CLEC9A: variants seen among roughly 807,000 people sequenced by gnomAD.
The protein encoded by CLEC9A is C-type lectin domain family 9 member A.
In CLEC9A, 24 loss-of-function variants were observed where a neutral mutation model predicts 30.0. The observed-to-expected ratio is 0.80, with a 90% CI of 0.58 to 1.13. The LOEUF (loss-of-function observed/expected upper bound fraction) is 1.13, where lower values mean the gene tolerates loss of function less well. Ranked by LOEUF, CLEC9A falls within the 50% of genes most tolerant of loss-of-function variation. The pLI, the probability that CLEC9A is intolerant of heterozygous loss-of-function variation, is 0.00. For missense variants in CLEC9A, 251 were observed against 280.9 expected (o/e 0.89, Z 0.76); for synonymous variants, 111 against 96.8 (o/e 1.15, Z -0.86).
At position 10,051,972 on chromosome 12, in the gene CLEC9A, C is replaced by T. The variant is rs1157079402; in HGVS notation, c.-162-19C>T. On this transcript the variant is annotated intron_variant, in intron 2 of 8. Coordinates refer to ENST00000355819, the MANE Select transcript of CLEC9A (RefSeq NM_207345.4). ...TCAAGAGCAGGTGTGGATTCATCAC[C>T]TTCTCTTTTCTTTTCCAGTGGATAG... The T allele has an allele frequency of 1.3e-5, 2 of 152,164 alleles. No individual in the cohort carries two copies. Among genetic ancestry groups the T allele is most frequent in the Non-Finnish European group, 2.9e-5 (2 of 68,024 alleles). The allele number at this position is 152,164 out of a possible 1,614,324, so 9.4% of individuals were successfully genotyped here.
intron 5 of CLEC9A, chr12:10,060,623 ATCT>A (rs1865988884): frequency 6.4e-6 from 1 of 155,740 alleles, no homozygotes; most frequent in African/African-American, 2.4e-5. Context: ...GGAGCCGAGT[ATCT>A]TGATTGTATC....
At chr12:10,061,044 G>A in intron 5 of CLEC9A, 83 bp from the exon 6 acceptor site, 3 of 1,442,182 alleles carry the variant, frequency 2.1e-6, no homozygotes, top group Non-Finnish European at 1.9e-6. Context: ...ATAGTAATTT[G>A]TACTTGTCTT....
intron 2 of CLEC9A, 95 bp downstream of exon 2, chr12:10,041,715 A>G (rs914006282): frequency 2.1e-6 from 1 of 479,934 alleles, no homozygotes; most frequent in Admixed American, 2.2e-5. Flanking sequence ...TTTTCTTAAC[A>G]TCTTTCAGTT....
intron 5 of CLEC9A, among the ~76,000 whole-genome samples, chr12:10,058,454 C>G (rs1483918288): frequency 6.6e-6 from 1 of 152,210 alleles, no homozygotes; most frequent in Non-Finnish European, 1.5e-5. Context: ...CATCTGCTTT[C>G]TCTAGTCCAT....
intron 2 of CLEC9A, among the ~76,000 whole-genome samples, chr12:10,045,310 T>G (rs946321403): frequency 8.5e-5 from 13 of 152,234 alleles, no homozygotes; most frequent in Non-Finnish European, 1.8e-4. Context: ...GCTTTTCAGA[T>G]ATACATACCT....
At chr12:10,043,053 T>G (rs748998999) in intron 2 of CLEC9A, among the ~76,000 whole-genome samples, 1 of 152,196 alleles carries the variant, frequency 6.6e-6, no homozygotes, top group Admixed American at 6.5e-5. Context: ...CTAAGACAAG[T>G]GAAATTGGCA....
chr12:10,049,438 A>G (rs1009718822), intron 2 of CLEC9A, among the ~76,000 whole-genome samples: 3 of 152,358 alleles, frequency 2.0e-5, no homozygotes, highest in African/African-American at 7.2e-5. Flanking sequence ...TAAAAGTCCT[A>G]GATGTCATCT....
chr12:10,031,193 A>C (rs1425515989), intron 1 of CLEC9A, among the ~76,000 whole-genome samples: 2 of 152,238 alleles, frequency 1.3e-5, no homozygotes, highest in East Asian at 3.9e-4. Flanking sequence ...TATCATCTGC[A>C]GAGATGGATG....
chr12:10,041,963 C>T (rs959384050), intron 2 of CLEC9A, among the ~76,000 whole-genome samples: 8 of 152,142 alleles, frequency 5.3e-5, no homozygotes, highest in Non-Finnish European at 1.2e-4. Context: ...TTTGTGGGCT[C>T]AGACTCATAC....
rs1457884676 is a variant in CLEC9A at position 10,038,262 on chromosome 12, A to G, written c.-317-3204A>G. Among the ~76,000 whole-genome samples the G allele has an allele frequency of 3.9e-5, 6 of 152,344 alleles. No homozygotes were observed. In the East Asian group the frequency reaches 9.6e-4, roughly 24 times the overall value. ...GAATCATACTAAGTTTTTGTTTCCA[A>G]AATCAGGTACTGTCTTTTTTGTTTG... On this transcript the variant is annotated intron_variant, in intron 1 of 8. Coordinates refer to ENST00000355819, the MANE Select transcript of CLEC9A (RefSeq NM_207345.4).
At position 10,065,519 on chromosome 12, in the gene CLEC9A, C is replaced by T. The variant is rs137900062; in HGVS notation, c.613C>T (p.Gln205Ter). ...SPGLLPAERS[Q>*]SANQVCGYVK... Reference sequence around the variant, plus strand: ...TTCCAGGTTGCCAGCAGAGAGATCCCAGTCAGCTAACCAAGTCTGTGGATA... The same window carrying T: ...TTCCAGGTTGCCAGCAGAGAGATCCTAGTCAGCTAACCAAGTCTGTGGATA... Residue 205 changes from glutamine (Q) to a stop codon, truncating the protein, a stop_gained, in exon 9 of 9, where the codon CAG becomes TAG. Transcript: ENST00000355819. LOFTEE classifies it low-confidence loss of function (END_TRUNC). 5 of 1,613,802 alleles carry T rather than the reference C, an allele frequency of 3.1e-6. No homozygotes were observed. The East Asian group carries it at 1.1e-4, about 36-fold the overall frequency.
In CLEC9A at chr12:10,063,226, C is replaced by A; in HGVS notation, c.471+20C>A. The A allele has an allele frequency of 6.5e-7, 1 of 1,547,178 alleles. No homozygotes were observed. The highest frequency in any genetic ancestry group is 8.7e-7 in the Non-Finnish European group (1 of 1,152,928). On this transcript the variant is annotated intron_variant, in intron 7 of 8. Transcript: ENST00000355819. ...GAAATGGTAAACACTGTTTTGTGGTCTCATGTTATTCTGAAAATATCATTT... is the reference window on the plus strand; with the variant it reads ...GAAATGGTAAACACTGTTTTGTGGTATCATGTTATTCTGAAAATATCATTT...
At position 10,052,772 on chromosome 12, in the gene CLEC9A, T is replaced by C. The variant is rs772329723; in HGVS notation, c.85T>C (p.Cys29Arg). Reference sequence around the variant, plus strand: ...CCAGAAATGTCTGTCTTCCAACAAATGTTCAGGTAACCAGTTCTAACTATT... The same window carrying C: ...CCAGAAATGTCTGTCTTCCAACAAACGTTCAGGTAACCAGTTCTAACTATT... ...TYQKCLSSNK[C>R]SGACCLVMVI... is the part of the protein sequence containing the mutation. The change falls in exon 4 of 9, where the codon TGT becomes CGT. Residue 29 changes from cysteine to arginine, a missense_variant. Transcript: ENST00000355819. The C allele has an allele frequency of 6.2e-7, 1 of 1,613,582 alleles. No individual in the cohort carries two copies. Among genetic ancestry groups the C allele is most frequent in the Non-Finnish European group, 8.5e-7 (1 of 1,179,810 alleles).
At chr12:10,048,276 C>T (rs111684656) in intron 2 of CLEC9A, among the ~76,000 whole-genome samples, 2,036 of 149,566 alleles carry the variant, frequency 0.014, 26 homozygotes, top group Non-Finnish European at 0.02. Context: ...TGGTGGTGCA[C>T]GCATGTAGTC....
intron 1 of CLEC9A, among the ~76,000 whole-genome samples, chr12:10,037,278 G>C (rs1865751871): frequency 6.6e-6 from 1 of 151,946 alleles, no homozygotes; most frequent in Non-Finnish European, 1.5e-5. Context: ...TCAGGAATAG[G>C]GCGGGCTCAC....
At chr12:10,057,430 C>T (rs1413365112) in intron 5 of CLEC9A, among the ~76,000 whole-genome samples, 1 of 151,654 alleles carries the variant, frequency 6.6e-6, no homozygotes, top group Non-Finnish European at 1.5e-5. Flanking sequence ...ATAACATGAA[C>T]ATAATGAAAG....
chr12:10,054,140 C>T, intron 4 of CLEC9A, 131 bp from the exon 5 acceptor site: 1 of 726,434 alleles, frequency 1.4e-6, no homozygotes, highest in Non-Finnish European at 2.4e-6. Context: ...TTTACACATC[C>T]CAGGCCCCAA....
At chr12:10,036,434 A>T (rs570602743) in intron 1 of CLEC9A, among the ~76,000 whole-genome samples, 1 of 152,352 alleles carries the variant, frequency 6.6e-6, no homozygotes, top group Admixed American at 6.5e-5. Context: ...AGAGGACTGA[A>T]TATCACTAAT....
At chr12:10,048,050 G>T (rs548249257) in intron 2 of CLEC9A, among the ~76,000 whole-genome samples, 6 of 151,588 alleles carry the variant, frequency 4.0e-5, no homozygotes, top group African/African-American at 1.5e-4. Flanking sequence ...TGGCTAACAA[G>T]GTGAAACCCC....
Sources: gnomAD v4.1 joint callset for allele counts (sites outside exome capture counted in the v4.1 genomes callset) on GRCh38, gnomAD v4.1.1 for gene constraint, MANE v1.5 for transcripts, NCBI Gene and HGNC (gene_info 2026-07-23, HGNC 2026-07-21) for gene names.